Variants in BNIP3L observed in about 807,000 individuals in gnomAD.
The protein encoded by BNIP3L is BCL2/adenovirus E1B 19 kDa protein-interacting protein 3-like.
Under a neutral mutation model 25.5 loss-of-function variants are expected in BNIP3L, and 10 were observed. The ratio of observed to expected loss-of-function variants is 0.39; its 90% CI spans 0.24 to 0.67. The LOEUF (loss-of-function observed/expected upper bound fraction) is 0.67, where lower values mean the gene tolerates loss of function less well. Among genes scored for constraint, BNIP3L ranks in the 30% least tolerant of loss-of-function variants. BNIP3L has a pLI of 0.45. For missense variants in BNIP3L, 215 were observed against 270.9 expected, an observed-to-expected ratio of 0.79 and a Z score of 1.45; for synonymous variants, 113 against 101.2, an observed-to-expected ratio of 1.12 and a Z score of -0.70.
At chr8:26,384,105 A>G (rs750652799) in intron 1 of BNIP3L, among the ~76,000 whole-genome samples, 1 of 152,182 alleles carries the variant, frequency 6.6e-6, no homozygotes, top group Non-Finnish European at 1.5e-5. Context: ...CTGCCCAGAC[A>G]TCTTGTCCTC....
At chr8:26,403,709 T>A (rs1430285219) in intron 3 of BNIP3L, among the ~76,000 whole-genome samples, 2 of 151,992 alleles carry the variant, frequency 1.3e-5, no homozygotes, top group South Asian at 2.1e-4. Context: ...GCTACTTTTT[T>A]ATTTTTTTTT....
At chr8:26,393,055 C>T (rs763743934) in intron 2 of BNIP3L, among the ~76,000 whole-genome samples, 42 of 151,920 alleles carry the variant, frequency 2.8e-4, no homozygotes, top group Non-Finnish European at 5.3e-4. Context: ...TTATGTCTCT[C>T]CAGGCCCTAG....
At chr8:26,395,489 GC>G (rs2117475962) in intron 3 of BNIP3L, 187 bp downstream of exon 3, 4 of 582,424 alleles carry the variant, frequency 6.9e-6, no homozygotes, top group Non-Finnish European at 1.2e-5. Context: ...AGGATTTTGG[GC>G]CCTGTCACTC....
chr8:26,407,639 A>C (rs1046883118), intron 3 of BNIP3L, among the ~76,000 whole-genome samples: 1 of 152,108 alleles, frequency 6.6e-6, no homozygotes, highest in Non-Finnish European at 1.5e-5. Context: ...AATTACGAAA[A>C]TTTTAAGTGC....
intron 3 of BNIP3L, among the ~76,000 whole-genome samples, chr8:26,399,742 A>G (rs1806326341): frequency 1.4e-5 from 1 of 70,064 alleles, no homozygotes; most frequent in Non-Finnish European, 3.0e-5. Flanking sequence ...AAATCAATGT[A>G]CAAAAATCAC....
intron 1 of BNIP3L, chr8:26,383,580 GC>G (rs1193092019): frequency 2.2e-6 from 1 of 446,418 alleles, no homozygotes; most frequent in African/African-American, 2.2e-5. Flanking sequence ...GGTGGGCGGA[GC>G]GGGCCGCGGA....
chr8:26,410,090 G>T (rs1806588266), intron 5 of BNIP3L, among the ~76,000 whole-genome samples: 1 of 152,142 alleles, frequency 6.6e-6, no homozygotes, highest in Non-Finnish European at 1.5e-5. Context: ...GGAGGGATCT[G>T]TTCTCTCTGG....
rs1243069267 is a variant in BNIP3L, at chr8:26,391,265, G to A, written c.123G>A (p.Met41Ile). 1 of 1,609,840 alleles carries A rather than the reference G, an allele frequency of 6.2e-7. No homozygotes were observed. Among genetic ancestry groups the A allele is most frequent in the Non-Finnish European group, 8.5e-7 (1 of 1,178,042 alleles). ...GLNSSWVELP[M>I]NSSNGNDNGN... ...CAGGTTCCTGGGTGGAGCTACCCAT[G>A]AACAGCAGCAATGGCAATGATAATG... is the stretch of plus-strand genomic sequence containing the variant. The change falls in exon 2 of 6, where the codon ATG (methionine) becomes ATA (isoleucine). Residue 41 changes from methionine (M) to isoleucine (I), a missense_variant. By Grantham distance (10) the Met-to-Ile change is conservative. Around this residue, in one of 4 missense-constraint regions of BNIP3L, gnomAD observed 69 missense variants for 53.6 expected, o/e 1.29. Coordinates refer to ENST00000380629, the MANE Select transcript of BNIP3L (RefSeq NM_004331.3).
intron 5 of BNIP3L, among the ~76,000 whole-genome samples, chr8:26,408,871 C>CG (rs139384354): frequency 1.9e-4 from 8 of 41,216 alleles, no homozygotes; most frequent in African/African-American, 5.3e-4. Context: ...GACTCCATCT[C>CG]GGAAAAAAAA....
rs1806327091 is a variant in BNIP3L at position 26,399,784 on chromosome 8, A to C, written c.357+4482A>C. Among the ~76,000 whole-genome samples, 2 of 64,224 alleles carry C rather than the reference A, an allele frequency of 3.1e-5. 1 individual carries two copies. The highest frequency in any genetic ancestry group is 2.7e-4 in the Admixed American group (2 of 7,468). The allele number at this position is 64,224 out of a possible 152,430, so 42.1% of individuals were successfully genotyped here. ...TCCTATACACCAACAAGAGACAAAC[A>C]GCCAAATCATGAGTGAACTCCCATT... is the stretch of plus-strand genomic sequence containing the variant. On this transcript the variant is annotated intron_variant, in intron 3 of 5. Transcript: ENST00000380629.
At chr8:26,403,574 G>A (rs1214371411) in intron 3 of BNIP3L, among the ~76,000 whole-genome samples, 1 of 140,382 alleles carries the variant, frequency 7.1e-6, no homozygotes, top group Non-Finnish European at 1.5e-5. Context: ...GTCTTGCTTT[G>A]TCACCCAGGC....
Position 26,411,343 on chromosome 8 carries a change from A to G in BNIP3L, c.*931A>G, listed in dbSNP as rs963067240. On this transcript the variant is annotated 3_prime_UTR_variant, in exon 6 of 6. Transcript: ENST00000380629. ...AGAAGAGGCTTTGGAATGAGTTCCA[A>G]TTTGTGATGTTAATACAGGCTTCTT... 5 of 151,772 alleles carry G rather than the reference A, an allele frequency of 3.3e-5. No individual in the cohort carries two copies. Among genetic ancestry groups the G allele is most frequent in the South Asian group, 2.1e-4 (1 of 4,778 alleles). The allele number at this position is 151,772 out of a possible 1,614,324, so 9.4% of individuals were successfully genotyped here.
At chr8:26,390,219 G>A in intron 1 of BNIP3L, 1 of 450,488 alleles carries the variant, frequency 2.2e-6, no homozygotes, top group Non-Finnish European at 2.9e-6. Context: ...CTCCCAAAGT[G>A]CTGGGATTAC....
chr8:26,410,506 C>T lies in BNIP3L; in HGVS notation c.*94C>T. 1 of 1,383,184 alleles carries T rather than the reference C, an allele frequency of 7.2e-7. No individual in the cohort carries two copies. The highest frequency in any genetic ancestry group is 1.0e-6 in the Non-Finnish European group (1 of 973,844). 85.7% of individuals were successfully genotyped at this position (1,383,184 alleles called of 1,614,324 possible). A position where few individuals can be genotyped will look rare whatever the true frequency, so the allele number is the denominator to read the frequency against. On this transcript the variant is annotated 3_prime_UTR_variant, in exon 6 of 6. Coordinates refer to ENST00000380629, the MANE Select transcript of BNIP3L (RefSeq NM_004331.3). Reference sequence around the variant, plus strand: ...AACTTGAGACCATTGTAAGCATGACCCAACCTACCACCCTGTTTTTACATA... The same window carrying T: ...AACTTGAGACCATTGTAAGCATGACTCAACCTACCACCCTGTTTTTACATA...
intron 3 of BNIP3L, among the ~76,000 whole-genome samples, chr8:26,406,998 T>C (rs1173969306): frequency 6.6e-6 from 1 of 151,756 alleles, no homozygotes; most frequent in African/African-American, 2.4e-5. Flanking sequence ...TTTTTTTTTT[T>C]CTTTTTTTTG....
chr8:26,407,708 A>G (rs577566057), intron 3 of BNIP3L, among the ~76,000 whole-genome samples: 4 of 152,222 alleles, frequency 2.6e-5, no homozygotes, highest in Non-Finnish European at 5.9e-5. Context: ...TTTAACTCTT[A>G]TCGAGGTTTT....
chr8:26,386,184 A>T (rs1433801698), intron 1 of BNIP3L, among the ~76,000 whole-genome samples: 1 of 152,126 alleles, frequency 6.6e-6, no homozygotes, highest in African/African-American at 2.4e-5. Context: ...TTTTTTTTTA[A>T]CTTTACCGCT....
intron 1 of BNIP3L, among the ~76,000 whole-genome samples, chr8:26,385,463 C>T (rs1392058381): frequency 5.3e-5 from 8 of 151,800 alleles, no homozygotes; most frequent in Non-Finnish European, 1.2e-4. Context: ...ATTAGCCTGG[C>T]TTGGTGTTGG....
intron 3 of BNIP3L, among the ~76,000 whole-genome samples, chr8:26,401,607 T>TAA (rs1343657865): frequency 2.6e-5 from 2 of 78,056 alleles, no homozygotes; most frequent in South Asian, 4.1e-4. Context: ...AGGTACAAAA[T>TAA]AAAAAAAAAA....
Sources: gnomAD v4.1 joint callset for allele counts (sites outside exome capture counted in the v4.1 genomes callset) on GRCh38, gnomAD v4.1.1 for gene constraint, gnomAD v4.1.1 regional missense constraint, MANE v1.5 for transcripts, NCBI Gene and HGNC (gene_info 2026-07-23, HGNC 2026-07-21) for gene names.